Variants in IGF2BP2 observed in about 807,000 individuals in gnomAD.
IGF2BP2 encodes insulin like growth factor 2 mRNA binding protein 2, also known as insulin-like growth factor 2 mRNA-binding protein 2.
IGF2BP2 carries 17 observed loss-of-function variants against 75.8 expected under a neutral mutation model. The ratio of observed to expected loss-of-function variants is 0.22; its 90% CI spans 0.15 to 0.34. IGF2BP2 has a LOEUF of 0.34. Ranked by LOEUF, IGF2BP2 falls within the 10% of genes least tolerant of loss-of-function variation. The probability of loss-of-function intolerance (pLI) is 1.00; values close to 1 mark genes in which losing one functional copy is unlikely to be tolerated. For synonymous variants in IGF2BP2, 288 were observed against 295.6 expected (o/e 0.97, Z 0.26); for missense variants, 516 against 772.4 (o/e 0.67, Z 3.93).
intron 2 of IGF2BP2, among the ~76,000 whole-genome samples, chr3:185,803,058 T>C (rs534527351): frequency 5.9e-5 from 9 of 152,324 alleles, no homozygotes; most frequent in Admixed American, 2.0e-4. Context: ...AACATTAAAA[T>C]AGCCCCAAAT....
chr3:185,660,759 G>A (rs946790369), intron 10 of IGF2BP2, among the ~76,000 whole-genome samples: 4 of 152,184 alleles, frequency 2.6e-5, no homozygotes, highest in Non-Finnish European at 5.9e-5. Context: ...TCCGTGTCCT[G>A]GGCCATGAAG....
At chr3:185,658,278 AGGGCC>A in intron 11 of IGF2BP2, 58 bp downstream of exon 11, 1 of 1,460,900 alleles carries the variant, frequency 6.8e-7, no homozygotes. Flanking sequence ...CTGGCCACCA[AGGGCC>A]AAGTGGGCCT....
At chr3:185,810,371 C>T (rs947882340) in intron 2 of IGF2BP2, among the ~76,000 whole-genome samples, 6 of 152,210 alleles carry the variant, frequency 3.9e-5, no homozygotes, top group African/African-American at 1.4e-4. Context: ...AAAAGTGCAG[C>T]AGTAACCAAA....
In IGF2BP2 at chr3:185,650,651, T is replaced by C. The variant is rs1714439452; in HGVS notation, c.1462-1117A>G. On this transcript the variant is annotated intron_variant, in intron 13 of 15. Transcript: ENST00000382199. ...GAGATCGCACCACTGCACTCCAGCA[T>C]GGGTGACAGAGGGAGACTCCGTCTC... Among the ~76,000 whole-genome samples, 3 of 151,416 alleles carry C rather than the reference T, an allele frequency of 2.0e-5. No individual in the cohort carries two copies. In the South Asian group the frequency reaches 6.3e-4, roughly 32 times the overall value.
At chr3:185,804,193 T>C (rs1215918733) in intron 2 of IGF2BP2, among the ~76,000 whole-genome samples, 4 of 147,178 alleles carry the variant, frequency 2.7e-5, no homozygotes, top group African/African-American at 1.0e-4. Flanking sequence ...GAGGCAGAGG[T>C]TGCGGTGAGC....
chr3:185,711,039 TA>T (rs1401360559), intron 2 of IGF2BP2, among the ~76,000 whole-genome samples: 1 of 152,164 alleles, frequency 6.6e-6, no homozygotes, highest in Non-Finnish European at 1.5e-5. Context: ...TAGCCAACTT[TA>T]AAAACAGATG....
chr3:185,714,692 A>C, intron 2 of IGF2BP2, among the ~76,000 whole-genome samples: 1 of 152,176 alleles, frequency 6.6e-6, no homozygotes, highest in South Asian at 2.1e-4. Context: ...TCACACCTCT[A>C]ATCCCAGCAC....
intron 2 of IGF2BP2, among the ~76,000 whole-genome samples, chr3:185,822,264 GCTC>G (rs1272044066): frequency 6.6e-6 from 1 of 152,136 alleles, no homozygotes; most frequent in African/African-American, 2.4e-5. Context: ...TCATTGAACA[GCTC>G]CAGTCCAGCT....
intron 2 of IGF2BP2, among the ~76,000 whole-genome samples, chr3:185,784,722 G>A: frequency 6.6e-6 from 1 of 152,230 alleles, no homozygotes; most frequent in East Asian, 1.9e-4. Context: ...CTGTGAGAGG[G>A]CAAGCTGGGC....
At chr3:185,773,764 G>T (rs1047069439) in intron 2 of IGF2BP2, among the ~76,000 whole-genome samples, 5 of 152,114 alleles carry the variant, frequency 3.3e-5, no homozygotes, top group Non-Finnish European at 7.3e-5. Flanking sequence ...ATTTCTCAGT[G>T]TAACTTCTTA....
Position 185,645,709 on chromosome 3 carries a change from G to C in IGF2BP2, c.1708-86C>G. ...GACAAACGGCAGGGGAGGCTCTGGG[G>C]CTTGGGGATGAAGGGTGGAATGCTC... On this transcript the variant is annotated intron_variant, in intron 15 of 15. Transcript: ENST00000382199. The surrounding 1 kb of genome is among the most constrained non-coding windows in gnomAD (Gnocchi z 4.9). The C allele has an allele frequency of 3.2e-6, 3 of 948,498 alleles. No individual in the cohort carries two copies. Among genetic ancestry groups the C allele is most frequent in the Non-Finnish European group, 5.1e-6 (3 of 583,098 alleles). The allele number at this position is 948,498 out of a possible 1,614,324, so 58.8% of individuals were successfully genotyped here.
intron 2 of IGF2BP2, among the ~76,000 whole-genome samples, chr3:185,792,009 G>C (rs143466752): frequency 0.012 from 1,797 of 152,244 alleles, 25 homozygotes; most frequent in Middle Eastern, 0.041. Flanking sequence ...ATTTGGCATG[G>C]ATCATGCAAG....
chr3:185,668,494 GAGAGAGAGAGAGAGATATATAT>G (rs1231434376), intron 10 of IGF2BP2, among the ~76,000 whole-genome samples: 271 of 121,602 alleles, frequency 2.2e-3, no homozygotes, highest in African/African-American at 8.6e-3. Flanking sequence ...GTTCGAGAGA[GAGAGAGAGAGAGAGATATATAT>G]ATATATATAT....
At chr3:185,681,899 A>T (rs1720446387) in intron 7 of IGF2BP2, among the ~76,000 whole-genome samples, 1 of 152,226 alleles carries the variant, frequency 6.6e-6, no homozygotes, top group South Asian at 2.1e-4. Context: ...TTTACACCAT[A>T]TACAAAGATT....
intron 2 of IGF2BP2, chr3:185,728,586 G>A (rs1727690050): frequency 6.6e-6 from 1 of 152,194 alleles, no homozygotes; most frequent in Non-Finnish European, 1.5e-5. Flanking sequence ...AAAAAACTAG[G>A]TGAGTCTTAT....
At chr3:185,789,312 A>C (rs1222826308) in intron 2 of IGF2BP2, among the ~76,000 whole-genome samples, 1 of 152,160 alleles carries the variant, frequency 6.6e-6, no homozygotes, top group Non-Finnish European at 1.5e-5. Context: ...CATGTGACAC[A>C]AGCTGAGCCT....
At chr3:185,747,504 C>G (rs1424896536) in intron 2 of IGF2BP2, among the ~76,000 whole-genome samples, 4 of 151,958 alleles carry the variant, frequency 2.6e-5, no homozygotes, top group Non-Finnish European at 4.4e-5. Context: ...CATGGTAAAA[C>G]CCCATCTCTA....
rs570432416 is a variant in IGF2BP2, at chr3:185,648,890, G to C, written c.1593+513C>G. ...CAGCCAGAAGATAGAGCCTGTGGAG[G>C]GGGAGTTAGGGACTGGAGGCATCTG... On this transcript the variant is annotated intron_variant, in intron 14 of 15. Transcript: ENST00000382199. Among the ~76,000 whole-genome samples, 39 of 152,270 alleles carry C rather than the reference G, an allele frequency of 2.6e-4. 1 individual carries two copies. Among genetic ancestry groups the C allele is most frequent in the Non-Finnish European group, 4.1e-4 (28 of 68,022 alleles).
At chr3:185,725,728 T>TA (rs1168492860) in intron 2 of IGF2BP2, among the ~76,000 whole-genome samples, 1 of 152,104 alleles carries the variant, frequency 6.6e-6, no homozygotes, top group Non-Finnish European at 1.5e-5. Context: ...TCCCAACACT[T>TA]TGGGAGGCCA....
Sources: allele counts gnomAD v4.1 joint callset (sites outside exome capture counted in the v4.1 genomes callset), GRCh38; gene constraint gnomAD v4.1.1; non-coding constraint Gnocchi (gnomAD v3.1); transcripts MANE v1.5; gene names NCBI Gene and HGNC (gene_info 2026-07-23, HGNC 2026-07-21).